Variants in PSMD10 observed in about 807,000 individuals in gnomAD.
PSMD10 encodes 26S proteasome non-ATPase regulatory subunit 10.
A neutral mutation model predicts 13.2 loss-of-function variants in PSMD10; 2 were observed. The ratio of observed to expected loss-of-function variants is 0.15; its 90% CI spans 0.06 to 0.48. The LOEUF (loss-of-function observed/expected upper bound fraction) is 0.48. PSMD10 is among the 20% of genes least tolerant of loss of function. PSMD10 has a pLI of 0.97. For synonymous variants in PSMD10, 66 were observed against 64.4 expected (o/e 1.03, Z -0.12); for missense variants, 120 against 167.4 (o/e 0.72, Z 1.56).
intron 2 of PSMD10, 146 bp downstream of exon 2, chrX:108,088,606 C>G: frequency 2.1e-6 from 1 of 467,609 alleles, no homozygotes. Context: ...GAGTCTCATG[C>G]TTGATCACAA....
intron 4 of PSMD10, among the ~76,000 whole-genome samples, chrX:108,086,204 C>T (rs2031495454): frequency 8.9e-6 from 1 of 112,069 alleles, no homozygotes; most frequent in African/African-American, 3.2e-5. Context: ...AGAAAAGTGG[C>T]CAAGTACCGT....
rs1166611680 is a variant in PSMD10 at position 108,088,737 on chromosome X, T to C, written c.213+15A>G. On this transcript the variant is annotated intron_variant, in intron 2 of 4. Transcript: ENST00000217958. The stretch of plus-strand genomic sequence containing the variant: ...AACTGGGAATTTATCAACTCAACTT[T>C]ATCAAAGTACTCACATCGTCTTTAT... 8.5e-7 allele frequency: 1 copy of C among 1,170,701 alleles called. No homozygotes were observed. Among genetic ancestry groups the C allele is most frequent in the Admixed American group, 2.2e-5 (1 of 45,326 alleles).
At chrX:108,085,822 TTAAG>T (rs1325588405) in intron 4 of PSMD10, among the ~76,000 whole-genome samples, 1 of 112,028 alleles carries the variant, frequency 8.9e-6, no homozygotes, top group Non-Finnish European at 1.9e-5. Flanking sequence ...TCAAGGAAGA[TTAAG>T]TAACTTTTAT....
chrX:108,088,194 CAAAA>C, intron 2 of PSMD10, 95 bp from the exon 3 acceptor site: 1 of 901,564 alleles, frequency 1.1e-6, no homozygotes, highest in Non-Finnish European at 1.5e-6. Flanking sequence ...TTTACAAAGG[CAAAA>C]AAATATTTGC....
chrX:108,091,254 C>A (rs2031605940), intron 1 of PSMD10, among the ~76,000 whole-genome samples, 153 bp downstream of exon 1: 1 of 113,206 alleles, frequency 8.8e-6, no homozygotes, highest in African/African-American at 3.2e-5. Flanking sequence ...AGGCCTATCG[C>A]GAGTCCCGAG....
At chrX:108,089,865 T>A (rs193022974) in intron 1 of PSMD10, among the ~76,000 whole-genome samples, 2 of 111,503 alleles carry the variant, frequency 1.8e-5, no homozygotes, top group African/African-American at 6.5e-5. Flanking sequence ...AAATAAAAAT[T>A]AAAAAAGCTA....
In PSMD10 at chrX:108,085,079, C is replaced by T; in HGVS notation, c.576G>A (p.Val192=). Residue 192 remains valine, a synonymous_variant, in exon 5 of 5, where the codon GTG becomes GTA. Coordinates refer to ENST00000217958, the MANE Select transcript of PSMD10 (RefSeq NM_002814.4). ...EERVEEAKLL[V]SQGASIYIEN... is the part of the protein sequence containing the mutation. ...CAATGTAAATACTTGCTCCTTGGGA[C>T]ACCAGCAGTTTTGCTTCTTCCACTC... The T allele has an allele frequency of 8.3e-7, 1 of 1,209,602 alleles. No individual in the cohort carries two copies. Among genetic ancestry groups the T allele is most frequent in the Admixed American group, 2.2e-5 (1 of 45,845 alleles).
Position 108,089,954 on chromosome X carries a change from T to C in PSMD10, c.115-1104A>G, listed in dbSNP as rs1310646971. Among the ~76,000 whole-genome samples, 15 of 112,464 alleles carry C rather than the reference T, an allele frequency of 1.3e-4. No homozygotes were observed. The Admixed American group carries it at 1.4e-3, about 11-fold the overall frequency. On this transcript the variant is annotated intron_variant, in intron 1 of 4. Coordinates refer to ENST00000217958, the MANE Select transcript of PSMD10 (RefSeq NM_002814.4). ...CTTAGCCCCACAGAATAGAAAATGG[T>C]ATTTTAAACTCTATTACAAAAAAAT...
intron 1 of PSMD10, among the ~76,000 whole-genome samples, chrX:108,090,326 T>C (rs192991767): frequency 8.9e-6 from 1 of 112,240 alleles, no homozygotes; most frequent in East Asian, 2.8e-4. Flanking sequence ...ATAAATTGCA[T>C]TTCTTCATGT....
At position 108,088,301 on chromosome X, in the gene PSMD10, T is replaced by A. The variant is rs890754472; in HGVS notation, c.214-202A>T. ...ATCTCTTTATGTAACAAAAAAGTTATTTAGGTCCTCATTATTCAGGCCATG... is the reference window on the plus strand; with the variant it reads ...ATCTCTTTATGTAACAAAAAAGTTAATTAGGTCCTCATTATTCAGGCCATG... On this transcript the variant is annotated intron_variant, in intron 2 of 4. Transcript: ENST00000217958. 3.6e-5 allele frequency among the ~76,000 whole-genome samples: 4 copies of A among 112,465 alleles called. No homozygotes were observed. In the East Asian group the frequency reaches 8.4e-4, roughly 24 times the overall value.
intron 2 of PSMD10, chrX:108,088,381 G>T: frequency 3.0e-6 from 1 of 335,989 alleles, no homozygotes; most frequent in Non-Finnish European, 5.1e-6. Flanking sequence ...GTCTTTTAGG[G>T]TTCACCATAA....
chrX:108,088,905 A>C (rs2031530934), intron 1 of PSMD10, 55 bp from the exon 2 acceptor site: 2 of 866,016 alleles, frequency 2.3e-6, no homozygotes, highest in South Asian at 2.5e-5. Context: ...AAAAGCAAGA[A>C]AAAAAATACT....
chrX:108,088,138 A>T, intron 2 of PSMD10, 39 bp from the exon 3 acceptor site: 3 of 1,150,484 alleles, frequency 2.6e-6, no homozygotes, highest in Admixed American at 5.0e-5. Flanking sequence ...CAGGGGAAAA[A>T]GGCACAAGGA....
At position 108,085,068 on chromosome X, in the gene PSMD10, G is replaced by T; in HGVS notation, c.587C>A (p.Ala196Glu). ...EEAKLLVSQG[A>E]SIYIENKEEK... ...TTCTTTATTCTCAATGTAAATACTT[G>T]CTCCTTGGGACACCAGCAGTTTTGC... Residue 196 changes from alanine to glutamate, a missense_variant, in exon 5 of 5, where the codon GCA becomes GAA. Coordinates refer to ENST00000217958, the MANE Select transcript of PSMD10 (RefSeq NM_002814.4). The T allele has an allele frequency of 8.3e-7, 1 of 1,209,202 alleles. No homozygotes were observed. The highest frequency in any genetic ancestry group is 1.1e-6 in the Non-Finnish European group (1 of 894,212).
At chrX:108,091,384 G>A in intron 1 of PSMD10, 23 bp downstream of exon 1, 1 of 1,193,481 alleles carries the variant, frequency 8.4e-7, no homozygotes, top group South Asian at 1.8e-5. Context: ...CGCCGACTGC[G>A]GAGAGACCTA....
In PSMD10 at chrX:108,088,085, A is replaced by C. The variant is rs2031519701; in HGVS notation, c.228T>G (p.Pro76=). The C allele has an allele frequency of 8.3e-7, 1 of 1,204,197 alleles. No homozygotes were observed. Residue 76 remains proline, a synonymous_variant, in exon 3 of 5, where the codon CCT becomes CCG. Coordinates refer to ENST00000217958, the MANE Select transcript of PSMD10 (RefSeq NM_002814.4). The part of the protein sequence containing the change: ...VNDKDDAGWS[P]LHIAASAGRD... ...GGCCAGCAGAAGCCGCAATATGAAG[A>C]GGAGACCAACCTGCCTATAAAAGAA...
chrX:108,091,303 T>C, intron 1 of PSMD10, 104 bp downstream of exon 1: 1 of 760,520 alleles, frequency 1.3e-6, no homozygotes. Flanking sequence ...GGGGGCGGGG[T>C]TCTGCTTCTC....
At position 108,084,753 on chromosome X, in the gene PSMD10, C is replaced by A. The variant is rs1428019461; in HGVS notation, c.*221G>T. The A allele has an allele frequency of 2.4e-5, 8 of 329,959 alleles. No individual in the cohort carries two copies. Among genetic ancestry groups the A allele is most frequent in the Non-Finnish European group, 4.1e-5 (8 of 193,044 alleles). 27.2% of individuals were successfully genotyped at this position (329,959 alleles called of 1,213,427 possible). On this transcript the variant is annotated 3_prime_UTR_variant, in exon 5 of 5. Transcript: ENST00000217958. ...CCAGAATTCAATATAGAAGAATATA[C>A]GACAACAGTAGAACAATCTCAACAG...
intron 1 of PSMD10, 86 bp downstream of exon 1, chrX:108,091,321 C>T: frequency 1.1e-6 from 1 of 893,611 alleles, no homozygotes; most frequent in Non-Finnish European, 1.6e-6. Flanking sequence ...CTCTCAGAAA[C>T]GGGGCCTCCG....
Sources: gnomAD v4.1 joint callset for allele counts (sites outside exome capture counted in the v4.1 genomes callset) on GRCh38, gnomAD v4.1.1 for gene constraint, MANE v1.5 for transcripts, NCBI Gene and HGNC (gene_info 2026-07-23, HGNC 2026-07-21) for gene names.